The following CNTN4 variants were observed in gnomAD, a reference collection of about 807,000 sequenced individuals.
CNTN4 encodes contactin 4.
In CNTN4, 77 loss-of-function variants were observed where a neutral mutation model predicts 122.5. The ratio of observed to expected loss-of-function variants is 0.63; its 90% CI spans 0.52 to 0.76. The LOEUF is 0.76. CNTN4 is among the 30% of genes least tolerant of loss of function. CNTN4 has a pLI of 0.00. For missense variants in CNTN4, 1,256 were observed against 1,259.1 expected, an observed-to-expected ratio of 1.00 and a Z score of 0.04; for synonymous variants, 512 against 447.0, an observed-to-expected ratio of 1.15 and a Z score of -1.83.
intron 11 of CNTN4, among the ~76,000 whole-genome samples, chr3:2,902,074 A>C (rs1263172982): frequency 1.3e-5 from 2 of 152,178 alleles, no homozygotes; most frequent in Non-Finnish European, 2.9e-5. Context: ...GGGAACATGA[A>C]TATCTAGATT....
chr3:2,989,106 C>G (rs1437942349), intron 14 of CNTN4: 1 of 152,600 alleles, frequency 6.6e-6, no homozygotes, highest in African/African-American at 2.4e-5. Context: ...TCAATATTAG[C>G]TTCATGGCAT....
At chr3:2,774,281 AAAAAG>A (rs1289839857) in intron 6 of CNTN4, among the ~76,000 whole-genome samples, 1 of 151,854 alleles carries the variant, frequency 6.6e-6, no homozygotes, top group Non-Finnish European at 1.5e-5. Flanking sequence ...CAAAAACAAA[AAAAAG>A]AAAAGATATG....
At chr3:2,263,890 C>G (rs992344829) in intron 2 of CNTN4, among the ~76,000 whole-genome samples, 2 of 127,902 alleles carry the variant, frequency 1.6e-5, no homozygotes, top group East Asian at 4.1e-4. Flanking sequence ...TCTTTTTGTG[C>G]CTGGCTTATT....
chr3:2,387,357 C>G (rs1287729424), intron 3 of CNTN4, among the ~76,000 whole-genome samples: 2 of 151,588 alleles, frequency 1.3e-5, no homozygotes, highest in African/African-American at 4.8e-5. Context: ...TAAGGCAAAT[C>G]TTTATTAAGA....
At chr3:2,669,210 CCAT>C (rs1182314384) in intron 4 of CNTN4, among the ~76,000 whole-genome samples, 1 of 152,176 alleles carries the variant, frequency 6.6e-6, no homozygotes, top group African/African-American at 2.4e-5. Context: ...GGCTGTGAAT[CCAT>C]CTGGTCCTGG....
intron 3 of CNTN4, among the ~76,000 whole-genome samples, chr3:2,466,970 C>CTTTTT (rs60879017): frequency 1.9e-3 from 220 of 115,764 alleles, no homozygotes; most frequent in Middle Eastern, 5.6e-3. Flanking sequence ...TTCTTTCTTT[C>CTTTTT]TTTTTTTTTT....
intron 3 of CNTN4, among the ~76,000 whole-genome samples, chr3:2,506,581 C>T (rs187350722): frequency 3.4e-4 from 51 of 152,144 alleles, no homozygotes; most frequent in Admixed American, 3.3e-3. Context: ...AGTCTAACAA[C>T]GGATTTCCTA....
intron 3 of CNTN4, among the ~76,000 whole-genome samples, chr3:2,354,482 G>A (rs1300668550): frequency 2.6e-5 from 4 of 152,196 alleles, no homozygotes; most frequent in Admixed American, 2.0e-4. Context: ...CGTGAGCCCA[G>A]ATCGCACCAC....
At chr3:2,199,982 TAAAA>T (rs1271331105) in intron 2 of CNTN4, among the ~76,000 whole-genome samples, 1 of 152,070 alleles carries the variant, frequency 6.6e-6, no homozygotes, top group Non-Finnish European at 1.5e-5. Flanking sequence ...ATCAGAGAAA[TAAAA>T]AAGATGAGTG....
chr3:2,527,775 G>A (rs1316193893), intron 3 of CNTN4, among the ~76,000 whole-genome samples: 2 of 151,968 alleles, frequency 1.3e-5, no homozygotes, highest in Non-Finnish European at 2.9e-5. Context: ...ATGTCTTTCA[G>A]CCTTGCTCTT....
At chr3:2,725,927 G>T (rs1011976487) in intron 4 of CNTN4, among the ~76,000 whole-genome samples, 1 of 152,172 alleles carries the variant, frequency 6.6e-6, no homozygotes, top group Non-Finnish European at 1.5e-5. Flanking sequence ...ATATAGTGTT[G>T]ATCAGGAGTT....
At chr3:2,598,523 T>G (rs562771180) in intron 4 of CNTN4, among the ~76,000 whole-genome samples, 66 of 152,276 alleles carry the variant, frequency 4.3e-4, no homozygotes, top group African/African-American at 1.5e-3. Flanking sequence ...TGTGAGTGAG[T>G]GTGTATTTTT....
At chr3:2,554,994 C>T (rs997578816) in intron 3 of CNTN4, among the ~76,000 whole-genome samples, 9 of 152,176 alleles carry the variant, frequency 5.9e-5, no homozygotes, top group South Asian at 2.1e-4. Context: ...GGCTATAAGA[C>T]ATCTTACAAT....
At chr3:2,367,000 A>G (rs2045405474) in intron 3 of CNTN4, among the ~76,000 whole-genome samples, 1 of 152,060 alleles carries the variant, frequency 6.6e-6, no homozygotes, top group Non-Finnish European at 1.5e-5. Flanking sequence ...TTGTGGGATG[A>G]TCCTCTGATT....
rs534114294 is a variant in CNTN4 at position 2,111,552 on chromosome 3, G to A, written c.-145+10913G>A. On this transcript the variant is annotated intron_variant, in intron 2 of 24. Transcript: ENST00000418658. ...CCACAGCTGGAAAACACTATTTTATGTGATGTATAGGAAAGGCTGGAGGCA... is the reference window on the plus strand; with the variant it reads ...CCACAGCTGGAAAACACTATTTTATATGATGTATAGGAAAGGCTGGAGGCA... 7.2e-5 allele frequency among the ~76,000 whole-genome samples: 11 copies of A among 152,226 alleles called. No homozygotes were observed. In the South Asian group the frequency reaches 2.1e-3, roughly 29 times the overall value.
chr3:2,607,532 G>C (rs1368888029), intron 4 of CNTN4, among the ~76,000 whole-genome samples: 2 of 148,738 alleles, frequency 1.3e-5, no homozygotes, highest in African/African-American at 4.9e-5. Context: ...ATTTCAAAAG[G>C]ATATAAAAAC....
rs186057976 is a variant in CNTN4 at position 2,482,739 on chromosome 3, C to G, written c.-88-88677C>G. On this transcript the variant is annotated intron_variant, in intron 3 of 24. Transcript: ENST00000418658. ...GCATGGCTTCAGAGGGTGCAAGCCT[C>G]AAGCCTAGGCAGCTTCCACATGGTG... Among the ~76,000 whole-genome samples the G allele has an allele frequency of 9.8e-5, 15 of 152,308 alleles. No individual in the cohort carries two copies. The East Asian group carries it at 2.3e-3, about 24-fold the overall frequency.
chr3:2,886,277 G>T (rs1290769220), intron 9 of CNTN4, among the ~76,000 whole-genome samples: 1 of 151,492 alleles, frequency 6.6e-6, no homozygotes, highest in East Asian at 2.0e-4. Flanking sequence ...GGCGCCTGTA[G>T]TCCTAGCTAC....
chr3:3,035,568 G>C (rs1464658306), intron 17 of CNTN4, among the ~76,000 whole-genome samples: 2 of 151,964 alleles, frequency 1.3e-5, no homozygotes, highest in Non-Finnish European at 2.9e-5. Flanking sequence ...TTGCTGCTGT[G>C]TTTTTTGAGA....
Sources: gnomAD v4.1 joint callset for allele counts (sites outside exome capture counted in the v4.1 genomes callset) on GRCh38, gnomAD v4.1.1 for gene constraint, MANE v1.5 for transcripts, NCBI Gene and HGNC (gene_info 2026-07-23, HGNC 2026-07-21) for gene names.